The following ARMH2 variants were observed in gnomAD, a reference collection of about 807,000 sequenced individuals.
ARMH2 encodes armadillo-like helical domain-containing protein 2.
Under a neutral mutation model 9.0 loss-of-function variants are expected in ARMH2, and 5 were observed. The observed-to-expected ratio is 0.56, with a 90% CI of 0.29 to 1.17. ARMH2 has a LOEUF of 1.17. ARMH2 is among the 50% of genes most tolerant of loss of function. ARMH2 has a pLI of 0.08. For missense variants in ARMH2, 236 were observed against 268.3 expected (o/e 0.88, Z 0.84); for synonymous variants, 74 against 93.1 (o/e 0.79, Z 1.18).
rs1036995327 is a variant in ARMH2 at position 24,798,590 on chromosome 6, T to C, written c.265+3A>G. On this transcript the variant is annotated splice_donor_region_variant and intron_variant, in intron 1 of 1. Coordinates refer to ENST00000565469, the MANE Select transcript of ARMH2 (RefSeq NM_001282492.2). ...ATTTTAGCACAGCCATTTAGATCAG[T>C]ACCTGTGAAGGCCAGCAGTCCAATT... is the stretch of plus-strand genomic sequence containing the variant. 6 of 1,533,326 alleles carry C rather than the reference T, an allele frequency of 3.9e-6. No homozygotes were observed. In the African/African-American group the frequency reaches 8.2e-5, roughly 21 times the overall value. The allele number at this position is 1,533,326 out of a possible 1,614,324, so 95.0% of individuals were successfully genotyped here.
rs375379329 is a variant in ARMH2, at chr6:24,798,161, G to T, written c.266-324C>A. 9.4e-4 allele frequency among the ~76,000 whole-genome samples: 143 copies of T among 151,868 alleles called. 3 individuals carry two copies. In the South Asian group the frequency reaches 0.028, roughly 29 times the overall value. On this transcript the variant is annotated intron_variant, in intron 1 of 1. Transcript: ENST00000565469. ...GACGGAGTTTTGCTCTTTTTGCCCA[G>T]GCTGGAGTGCAATGGCACGATCTCA...
chr6:24,798,785 G>A lies in ARMH2; in HGVS notation c.73C>T (p.Arg25Cys), dbSNP rs537677755. 20 of 1,535,150 alleles carry A rather than the reference G, an allele frequency of 1.3e-5. No homozygotes were observed. The highest frequency in any genetic ancestry group is 9.8e-5 in the Admixed American group (5 of 50,952). ...MYGYFAGLCR[R>C]LQKFWRVTVK... ...GTGACACGCCAGAATTTCTGGAGAC[G>A]CCGACACAGCCCCGCAAAATACCCA... Residue 25 changes from arginine to cysteine, a missense_variant, in exon 1 of 2, where the codon CGT becomes TGT. Physicochemically the swap from Arg to Cys is radical, Grantham distance 180. Transcript: ENST00000565469.
chr6:24,798,407 G>A (rs564131781), intron 1 of ARMH2, among the ~76,000 whole-genome samples, 186 bp downstream of exon 1: 1 of 152,200 alleles, frequency 6.6e-6, no homozygotes, highest in African/African-American at 2.4e-5. Context: ...GTGAGCCACC[G>A]TGCCTGGCCA....
intron 1 of ARMH2, 26 bp from the exon 2 acceptor site, chr6:24,797,863 AG>A (rs566780557): frequency 3.0e-4 from 464 of 1,525,854 alleles, no homozygotes; most frequent in Non-Finnish European, 3.9e-4. Flanking sequence ...TTGCATTTCC[AG>A]AAGTATTTGG....
At chr6:24,798,179 C>G (rs376730596) in intron 1 of ARMH2, among the ~76,000 whole-genome samples, 2 of 151,838 alleles carry the variant, frequency 1.3e-5, no homozygotes, top group Non-Finnish European at 2.9e-5. Context: ...TGCAATGGCA[C>G]GATCTCAGCT....
Position 24,798,645 on chromosome 6 carries a change from G to A in ARMH2, c.213C>T (p.Pro71=), listed in dbSNP as rs1032415585. The A allele has an allele frequency of 6.5e-7, 1 of 1,535,394 alleles. No homozygotes were observed. Reference sequence around the variant, plus strand: ...GGGCAGCTTGAGCTCTCTTCTCAATGGGTAGAGATTCATTCATCAACACTT... The same window carrying A: ...GGGCAGCTTGAGCTCTCTTCTCAATAGGTAGAGATTCATTCATCAACACTT... The part of the protein sequence containing the change: ...LGQVLMNESL[P]IEKRAQAAQK... The change falls in exon 1 of 2, where the codon CCC becomes CCT. Residue 71 remains proline, a synonymous_variant. Coordinates refer to ENST00000565469, the MANE Select transcript of ARMH2 (RefSeq NM_001282492.2).
In ARMH2 at chr6:24,798,668, C is replaced by A; in HGVS notation, c.190G>T (p.Val64Leu). 1 of 1,535,400 alleles carries A rather than the reference C, an allele frequency of 6.5e-7. No homozygotes were observed. Residue 64 changes from valine (V) to leucine (L), a missense_variant, in exon 1 of 2, where the codon GTG becomes TTG. Physicochemically the swap from Val to Leu is conservative, Grantham distance 32 (BLOSUM62 1). Coordinates refer to ENST00000565469, the MANE Select transcript of ARMH2 (RefSeq NM_001282492.2). ...HEEKIVVLGQ[V>L]LMNESLPIEK... is the part of the protein sequence containing the mutation. ...ATGGGTAGAGATTCATTCATCAACA[C>A]TTGGCCAAGTACAACAATTTTTTCC... is the stretch of plus-strand genomic sequence containing the variant.
Position 24,798,762 on chromosome 6 carries a change from GAC to G in ARMH2, c.94_95del (p.Val32HisfsTer3). ...TCTTAACAAAAAAGCCCTTAACAGT[GAC>G]ACGCCAGAATTTCTGGAGACGCCGA... ...LCRRLQKFWR[V>X]TVKGFFVKKK... On this transcript the variant is annotated frameshift_variant, in exon 1 of 2. Transcript: ENST00000565469. LOFTEE classifies it high-confidence loss of function. 6.5e-7 allele frequency: 1 copy of G among 1,535,228 alleles called. No individual in the cohort carries two copies. The highest frequency in any genetic ancestry group is 8.7e-7 in the Non-Finnish European group (1 of 1,146,690).
At position 24,797,449 on chromosome 6, in the gene ARMH2, T is replaced by C. The variant is rs936319971; in HGVS notation, c.654A>G (p.Ala218=). The C allele has an allele frequency of 8.1e-5, 125 of 1,535,136 alleles. No homozygotes were observed. Among genetic ancestry groups the C allele is most frequent in the Non-Finnish European group, 6.1e-5 (70 of 1,146,528 alleles). Residue 218 remains alanine (A), a synonymous_variant, in exon 2 of 2, where the codon GCA becomes GCG. Transcript: ENST00000565469. ...ENWSGWTENF[A]EVLYFLIGFH... Reference sequence around the variant, plus strand: ...AACCAATTAGGAAATACAGCACCTCTGCAAAATTCTCTGTCCATCCAGACC... The same window carrying C: ...AACCAATTAGGAAATACAGCACCTCCGCAAAATTCTCTGTCCATCCAGACC...
Position 24,797,647 on chromosome 6 carries a change from A to C in ARMH2, c.456T>G (p.Phe152Leu). The C allele has an allele frequency of 1.3e-6, 2 of 1,535,482 alleles. No individual in the cohort carries two copies. Among genetic ancestry groups the C allele is most frequent in the Non-Finnish European group, 1.7e-6 (2 of 1,146,734 alleles). Residue 152 changes from phenylalanine to leucine, a missense_variant, in exon 2 of 2, where the codon TTT (phenylalanine) becomes TTG (leucine). By Grantham distance (22) the Phe-to-Leu change is conservative (BLOSUM62 0). Transcript: ENST00000565469. ...TGATAGTAGACTCGAATCTGCCTTC[A>C]AAAAAACTAATGAGAATAGGAATAA... ...LQFIPILISFFEGRFESTIKS... is the reference protein window; with the variant it reads ...LQFIPILISFLEGRFESTIKS...
chr6:24,798,784 C>T lies in ARMH2; in HGVS notation c.74G>A (p.Arg25His), dbSNP rs577686072. Residue 25 changes from arginine (R) to histidine (H), a missense_variant, in exon 1 of 2, where the codon CGT becomes CAT. Physicochemically the swap from Arg to His is conservative, Grantham distance 29 (BLOSUM62 0). Transcript: ENST00000565469. ...AGTGACACGCCAGAATTTCTGGAGA[C>T]GCCGACACAGCCCCGCAAAATACCC... The part of the protein sequence containing the change: ...MYGYFAGLCR[R>H]LQKFWRVTVK... 5.8e-5 allele frequency: 89 copies of T among 1,535,256 alleles called. 1 individual carries two copies. The highest frequency in any genetic ancestry group is 4.8e-4 in the African/African-American group (35 of 73,052).
chr6:24,797,937 AGGATACTTT>A, intron 1 of ARMH2, 100 bp from the exon 2 acceptor site: 1 of 1,280,974 alleles, frequency 7.8e-7, no homozygotes, highest in Non-Finnish European at 1.0e-6. Flanking sequence ...TGCCCTGTAG[AGGATACTTT>A]GGATACTTTG....
At position 24,797,433 on chromosome 6, in the gene ARMH2, G is replaced by C; in HGVS notation, c.670C>G (p.Leu224Val). The C allele has an allele frequency of 6.5e-7, 1 of 1,533,744 alleles. No individual in the cohort carries two copies. The highest frequency in any genetic ancestry group is 2.4e-5 in the East Asian group (1 of 40,882). The change falls in exon 2 of 2, where the codon CTA becomes GTA. Residue 224 changes from leucine (L) to valine (V), a missense_variant. Transcript: ENST00000565469. ...TENFAEVLYF[L>V]IGFHRN is the part of the protein sequence containing the mutation. ...AACTAATTCCTATGAAAACCAATTA[G>C]GAAATACAGCACCTCTGCAAAATTC...
Position 24,797,474 on chromosome 6 carries a change from C to G in ARMH2, c.629G>C (p.Trp210Ser). The G allele has an allele frequency of 1.3e-6, 2 of 1,535,410 alleles. No individual in the cohort carries two copies. Among genetic ancestry groups the G allele is most frequent in the East Asian group, 4.9e-5 (2 of 40,920 alleles). Residue 210 changes from tryptophan (W) to serine (S), a missense_variant, in exon 2 of 2, where the codon TGG becomes TCG. Trp to Ser is a radical substitution (Grantham distance 177). Transcript: ENST00000565469. ...TGCAAAATTCTCTGTCCATCCAGAC[C>G]AATTCTCAGCAGCCAACATTTGCAA... ...YHLQMLAAEN[W>S]SGWTENFAEV...
Position 24,798,899 on chromosome 6 carries a change from GTCACAGGAGT to G in ARMH2, c.-52_-43del. ...TGGTCCTTCAGGTACACCACTGGCA[GTCACAGGAGT>G]TCACAGTCAAGAACTCTGGAATGCA... On this transcript the variant is annotated 5_prime_UTR_variant, in exon 1 of 2. Transcript: ENST00000565469. The G allele has an allele frequency of 6.6e-7, 1 of 1,511,736 alleles. No individual in the cohort carries two copies. Among genetic ancestry groups the G allele is most frequent in the Non-Finnish European group, 8.8e-7 (1 of 1,135,210 alleles). The allele number at this position is 1,511,736 out of a possible 1,614,324, so 93.6% of individuals were successfully genotyped here.
Position 24,797,723 on chromosome 6 carries a change from C to A in ARMH2, c.380G>T (p.Cys127Phe), listed in dbSNP as rs748578993. ...GCTGACAGGGTTTAAGTAACACCAACATGCCACACTCTGGAGCAGCAGGAT... is the reference window on the plus strand; with the variant it reads ...GCTGACAGGGTTTAAGTAACACCAAAATGCCACACTCTGGAGCAGCAGGAT... The part of the protein sequence containing the change: ...IKILLLQSVA[C>F]WCYLNPVSQK... The change falls in exon 2 of 2, where the codon TGT becomes TTT. Residue 127 changes from cysteine (C) to phenylalanine (F), a missense_variant. Cys to Phe is a radical substitution (Grantham distance 205). Coordinates refer to ENST00000565469, the MANE Select transcript of ARMH2 (RefSeq NM_001282492.2). 4.6e-6 allele frequency: 7 copies of A among 1,535,354 alleles called. No homozygotes were observed. The African/African-American group carries it at 8.2e-5, about 18-fold the overall frequency.
rs1780515490 is a variant in ARMH2 at position 24,798,631 on chromosome 6, G to C, written c.227C>G (p.Ala76Gly). 1 of 1,535,132 alleles carries C rather than the reference G, an allele frequency of 6.5e-7. No individual in the cohort carries two copies. Among genetic ancestry groups the C allele is most frequent in the African/African-American group, 1.4e-5 (1 of 72,956 alleles). The change falls in exon 1 of 2, where the codon GCT becomes GGT. Residue 76 changes from alanine to glycine, a missense_variant. By Grantham distance (60) the Ala-to-Gly change is moderately conservative. Coordinates refer to ENST00000565469, the MANE Select transcript of ARMH2 (RefSeq NM_001282492.2). ...CAGTCCAATTTTCTGGGCAGCTTGA[G>C]CTCTCTTCTCAATGGGTAGAGATTC... ...MNESLPIEKRAQAAQKIGLLA... is the reference protein window; with the variant it reads ...MNESLPIEKRGQAAQKIGLLA...
chr6:24,798,767 G>C lies in ARMH2; in HGVS notation c.91C>G (p.Arg31Gly). The change falls in exon 1 of 2, where the codon CGT (arginine) becomes GGT (glycine). Residue 31 changes from arginine to glycine, a missense_variant. Transcript: ENST00000565469. ...GLCRRLQKFWRVTVKGFFVKK... is the reference protein window; with the variant it reads ...GLCRRLQKFWGVTVKGFFVKK... ...ACAAAAAAGCCCTTAACAGTGACAC[G>C]CCAGAATTTCTGGAGACGCCGACAC... is the stretch of plus-strand genomic sequence containing the variant. The C allele has an allele frequency of 1.3e-6, 2 of 1,535,246 alleles. No homozygotes were observed. The highest frequency in any genetic ancestry group is 2.4e-5 in the South Asian group (2 of 84,042).
rs1402228763 is a variant in ARMH2, at chr6:24,798,678, T to C, written c.180A>G (p.Val60=). The C allele has an allele frequency of 4.6e-6, 7 of 1,535,352 alleles. No homozygotes were observed. Among genetic ancestry groups the C allele is most frequent in the Non-Finnish European group, 6.1e-6 (7 of 1,146,716 alleles). The change falls in exon 1 of 2, where the codon GTA becomes GTG. Residue 60 remains valine, a synonymous_variant. Coordinates refer to ENST00000565469, the MANE Select transcript of ARMH2 (RefSeq NM_001282492.2). ...ETYFHEEKIV[V]LGQVLMNESL... ...ATTCATTCATCAACACTTGGCCAAG[T>C]ACAACAATTTTTTCCTCATGAAAAT...
Sources: allele counts gnomAD v4.1 joint callset (sites outside exome capture counted in the v4.1 genomes callset), GRCh38; gene constraint gnomAD v4.1.1; transcripts MANE v1.5; gene names NCBI Gene and HGNC (gene_info 2026-07-23, HGNC 2026-07-21).